The following USP35 variants were observed in gnomAD, a reference collection of about 807,000 sequenced individuals.
USP35 encodes ubiquitin specific peptidase 35, also known as ubiquitin carboxyl-terminal hydrolase 35.
A neutral mutation model predicts 83.8 loss-of-function variants in USP35; 69 were observed. The observed-to-expected ratio is 0.82, with a 90% CI of 0.68 to 1.01. USP35 has a LOEUF of 1.01. USP35 is among the 50% of genes least tolerant of loss of function. The pLI is 0.00. For synonymous variants in USP35, 714 were observed against 589.5 expected (o/e 1.21, Z -3.06); for missense variants, 1,503 against 1,362.5 (o/e 1.10, Z -1.62).
the USP35 span, among the ~76,000 whole-genome samples, chr11:78,220,950 T>A: frequency 2.6e-4 from 39 of 152,148 alleles, no homozygotes. Context: ...TAGAGTGGGG[T>A]AGTCACCCCA....
Position 78,206,002 on chromosome 11 carries a change from A to G in USP35, c.1358A>G (p.Asn453Ser), listed in dbSNP as rs201193084. The change falls in exon 7 of 11, where the codon AAC becomes AGC. Residue 453 changes from asparagine to serine, a missense_variant. Transcript: ENST00000529308. ...LINLGNTCYV[N>S]SILQALFMAS... ...AACCTGGGCAACACATGCTATGTCA[A>G]CAGCATCCTTCAGGCCTTATTCATG... 36 of 1,614,224 alleles carry G rather than the reference A, an allele frequency of 2.2e-5. No homozygotes were observed. The Admixed American group carries it at 3.7e-4, about 16-fold the overall frequency.
Position 78,210,424 on chromosome 11 carries a change from T to A in USP35, c.2569T>A (p.Ser857Thr). 1 of 1,614,130 alleles carries A rather than the reference T, an allele frequency of 6.2e-7. No individual in the cohort carries two copies. The highest frequency in any genetic ancestry group is 8.5e-7 in the Non-Finnish European group (1 of 1,180,036). ...LCSVVVHSGV[S>T]SESGHYYCYA... The stretch of plus-strand genomic sequence containing the variant: ...CAGTGTGGTGGTGCACTCTGGAGTG[T>A]CTTCGGAGAGTGGTCACTACTACTG... The change falls in exon 10 of 11, where the codon TCT becomes ACT. Residue 857 changes from serine to threonine, a missense_variant. By Grantham distance (58) the Ser-to-Thr change is moderately conservative. Transcript: ENST00000529308.
Position 78,214,637 on chromosome 11 carries a change from C to A in USP35, c.*824C>A, listed in dbSNP as rs1272493967. Reference sequence around the variant, plus strand: ...GTGAAGTGCCCTGACACTGCTGTAGCCCCCTTCTAACTTCTAACCGAAGAC... The same window carrying A: ...GTGAAGTGCCCTGACACTGCTGTAGACCCCTTCTAACTTCTAACCGAAGAC... On this transcript the variant is annotated 3_prime_UTR_variant, in exon 11 of 11. Transcript: ENST00000529308. 1 of 152,080 alleles carries A rather than the reference C, an allele frequency of 6.6e-6. No homozygotes were observed. The highest frequency in any genetic ancestry group is 1.5e-5 in the Non-Finnish European group (1 of 68,058). 9.4% of individuals were successfully genotyped at this position (152,080 alleles called of 1,614,324 possible).
chr11:78,218,887 T>G (rs1864276808), downstream of USP35: 1 of 176,570 alleles, frequency 5.7e-6, no homozygotes, highest in Non-Finnish European at 1.2e-5. Flanking sequence ...GGAAGATAGC[T>G]GAGGGCTGTG....
the USP35 span, among the ~76,000 whole-genome samples, chr11:78,233,674 T>G: frequency 6.6e-6 from 1 of 152,196 alleles, no homozygotes; most frequent in Non-Finnish European, 1.5e-5. Flanking sequence ...TGGTGCCATC[T>G]TGGCTCACTG....
In USP35 at chr11:78,196,659, C is replaced by G; in HGVS notation, c.414C>G (p.Pro138=). 7.1e-7 allele frequency: 1 copy of G among 1,414,290 alleles called. No individual in the cohort carries two copies. Among genetic ancestry groups the G allele is most frequent in the Non-Finnish European group, 9.2e-7 (1 of 1,092,558 alleles). The allele number at this position is 1,414,290 out of a possible 1,614,324, so 87.6% of individuals were successfully genotyped here. A position where few individuals can be genotyped will look rare whatever the true frequency, so the allele number is the denominator to read the frequency against. The change falls in exon 2 of 11, where the codon CCC becomes CCG. Residue 138 remains proline, a synonymous_variant. Coordinates refer to ENST00000529308, the MANE Select transcript of USP35 (RefSeq NM_020798.4). The surrounding 1 kb of genome is among the most constrained non-coding windows in gnomAD (Gnocchi z 4.8). Reference sequence around the variant, plus strand: ...GCACCGTGTGCGAGCGCCCGGGCCCCGCGGCCTGCGCGCAGGTGGCACGGC... The same window carrying G: ...GCACCGTGTGCGAGCGCCCGGGCCCGGCGGCCTGCGCGCAGGTGGCACGGC... ...VLRTVCERPG[P]AACAQVARLL...
chr11:78,227,197 C>T, the USP35 span: 1 of 632,384 alleles, frequency 1.6e-6, no homozygotes, highest in South Asian at 1.9e-5. Context: ...TGTTCAGACT[C>T]TAGTATATGA....
At chr11:78,220,544 C>T in the USP35 span, 1 of 989,526 alleles carries the variant, frequency 1.0e-6, no homozygotes, top group Non-Finnish European at 1.5e-6. Context: ...TTCCCTGAGC[C>T]CTACTCTGAC....
chr11:78,212,694 T>C (rs1300110668), intron 10 of USP35, among the ~76,000 whole-genome samples: 1 of 152,220 alleles, frequency 6.6e-6, no homozygotes, highest in African/African-American at 2.4e-5. Flanking sequence ...TCCCTGCTTC[T>C]TGTTGGTGTA....
chr11:78,234,178 G>A, the USP35 span, among the ~76,000 whole-genome samples: 1 of 152,074 alleles, frequency 6.6e-6, no homozygotes, highest in Admixed American at 6.6e-5. Flanking sequence ...CCTCCCCCAG[G>A]CTCAAGTGAT....
intron 3 of USP35, chr11:78,199,126 G>C (rs1863256470): frequency 5.7e-6 from 1 of 175,990 alleles, no homozygotes; most frequent in Non-Finnish European, 1.2e-5. Flanking sequence ...CTAAGTGTTA[G>C]CTGCTGTTAT....
the USP35 span, chr11:78,226,770 G>T: frequency 3.1e-6 from 5 of 1,614,138 alleles, no homozygotes; most frequent in Non-Finnish European, 2.5e-6. Flanking sequence ...CCTGCACAGG[G>T]TGTTGCTGGG....
At chr11:78,224,751 A>G in the USP35 span, among the ~76,000 whole-genome samples, 1 of 152,062 alleles carries the variant, frequency 6.6e-6, no homozygotes, top group African/African-American at 2.4e-5. Flanking sequence ...CCTTGCCTGG[A>G]GTCTCACACT....
At chr11:78,216,793 C>G (rs1433315048), downstream of USP35, 1 of 152,264 alleles carries the variant, frequency 6.6e-6, no homozygotes, top group East Asian at 1.9e-4. Flanking sequence ...AGGGAAGGCA[C>G]CAGTTAAAAG....
chr11:78,209,398 C>T (rs746313057), intron 9 of USP35, 50 bp from the exon 10 acceptor site: 63 of 1,502,116 alleles, frequency 4.2e-5, no homozygotes, highest in Admixed American at 1.4e-4. Context: ...CTGAGTGCCC[C>T]GGAAGGGGAC....
At chr11:78,231,901 C>A in the USP35 span, 1 of 152,310 alleles carries the variant, frequency 6.6e-6, no homozygotes, top group South Asian at 2.1e-4. Flanking sequence ...CTGTAACTGT[C>A]ACTGGCCATG....
the USP35 span, among the ~76,000 whole-genome samples, chr11:78,235,400 C>T: frequency 6.6e-6 from 1 of 152,110 alleles, no homozygotes; most frequent in African/African-American, 2.4e-5. Context: ...GATCCGCCCA[C>T]CTCAGCCTCC....
chr11:78,226,404 T>C, the USP35 span: 1 of 1,322,408 alleles, frequency 7.6e-7, no homozygotes, highest in Non-Finnish European at 1.1e-6. Flanking sequence ...ACCATCAAAC[T>C]ATTGAGAACC....
chr11:78,207,654 A>C (rs768935695), intron 8 of USP35, 31 bp downstream of exon 8: 1 of 1,606,290 alleles, frequency 6.2e-7, no homozygotes, highest in East Asian at 2.2e-5. Flanking sequence ...AGGGGGGTGG[A>C]GAGGCAGCTC....
Sources: gnomAD v4.1 joint callset for allele counts (sites outside exome capture counted in the v4.1 genomes callset) on GRCh38, gnomAD v4.1.1 for gene constraint, Gnocchi (gnomAD v3.1) non-coding constraint, MANE v1.5 for transcripts, NCBI Gene and HGNC (gene_info 2026-07-23, HGNC 2026-07-21) for gene names.